Variants in SERINC5 observed in about 807,000 individuals in gnomAD.
The protein encoded by SERINC5 is serine incorporator 5, also known as chromosome 5 open reading frame 12.
In SERINC5, 41 loss-of-function variants were observed where a neutral mutation model predicts 63.1. The observed-to-expected ratio is 0.65, with a 90% CI of 0.51 to 0.84. The LOEUF (loss-of-function observed/expected upper bound fraction) is 0.84, where lower values mean the gene tolerates loss of function less well. SERINC5 is among the 40% of genes least tolerant of loss of function. The pLI is 0.00. For missense variants in SERINC5, 523 were observed against 573.0 expected (o/e 0.91, Z 0.89); for synonymous variants, 222 against 215.2 (o/e 1.03, Z -0.28).
At chr5:80,137,149 AAAAAAAAAAAAAAAC>A (rs1268451253), downstream of SERINC5, among the ~76,000 whole-genome samples, 30 of 126,158 alleles carry the variant, frequency 2.4e-4, no homozygotes, top group African/African-American at 6.8e-4. Context: ...CAAAAAAAAA[AAAAAAAAAAAAAAAC>A]AAAAAAAACA....
downstream of SERINC5, among the ~76,000 whole-genome samples, chr5:80,134,252 G>A (rs914640649): frequency 2.6e-5 from 4 of 152,258 alleles, no homozygotes; most frequent in East Asian, 3.9e-4. Flanking sequence ...TTGGAAGGCC[G>A]AGGCAGGCAG....
chr5:80,219,470 G>A (rs1368612569), intron 1 of SERINC5, among the ~76,000 whole-genome samples: 3 of 152,100 alleles, frequency 2.0e-5, no homozygotes, highest in African/African-American at 2.4e-5. Context: ...TGGAAGGAAC[G>A]AATAGGTGTG....
At chr5:80,127,899 A>G (rs1161124304) in intron 11 of SERINC5, among the ~76,000 whole-genome samples, 1 of 152,160 alleles carries the variant, frequency 6.6e-6, no homozygotes, top group Non-Finnish European at 1.5e-5. Context: ...TATAGGCAAA[A>G]TCTTAATAAA....
At chr5:80,211,790 T>G (rs1750443932) in intron 1 of SERINC5, among the ~76,000 whole-genome samples, 1 of 152,240 alleles carries the variant, frequency 6.6e-6, no homozygotes, top group African/African-American at 2.4e-5. Context: ...CACGGCAGTG[T>G]GATCACTCAT....
chr5:80,249,922 C>A (rs917584311), intron 1 of SERINC5, among the ~76,000 whole-genome samples: 11 of 152,138 alleles, frequency 7.2e-5, no homozygotes, highest in African/African-American at 2.7e-4. Context: ...ACAAATACTT[C>A]CCACATTGTT....
intron 2 of SERINC5, among the ~76,000 whole-genome samples, chr5:80,178,286 C>G (rs938891071): frequency 2.0e-5 from 3 of 152,072 alleles, no homozygotes; most frequent in African/African-American, 7.2e-5. Context: ...TTACTTGCCC[C>G]AAATGACTTC....
rs116181580 is a variant in SERINC5, at chr5:80,218,961, C to T, written c.28-15908G>A. On this transcript the variant is annotated intron_variant, in intron 1 of 11. Coordinates refer to ENST00000507668, the MANE Select transcript of SERINC5 (RefSeq NM_001174072.3). ...GGCTCTGAACAAGGAAAAACTTGCA[C>T]GCTTCACCTACCCTAGATCCCATAA... Among the ~76,000 whole-genome samples the T allele has an allele frequency of 5.9e-3, 902 of 152,272 alleles. 6 individuals carry two copies. The highest frequency in any genetic ancestry group is 0.021 in the African/African-American group (866 of 41,562).
At chr5:80,188,946 T>G (rs770573385) in intron 2 of SERINC5, among the ~76,000 whole-genome samples, 7 of 152,056 alleles carry the variant, frequency 4.6e-5, no homozygotes, top group Non-Finnish European at 7.4e-5. Context: ...AGATAAAAAT[T>G]TAGAATTCTA....
At chr5:80,150,825 C>G in intron 9 of SERINC5, 57 bp downstream of exon 9, 2 of 1,220,300 alleles carry the variant, frequency 1.6e-6, no homozygotes, top group African/African-American at 1.5e-5. Context: ...ACAAAAGGCC[C>G]TCCTGAGAAA....
chr5:80,147,329 T>C (rs529595070), intron 9 of SERINC5, 45 bp from the exon 10 acceptor site: 2 of 1,590,620 alleles, frequency 1.3e-6, no homozygotes, highest in East Asian at 4.5e-5. Flanking sequence ...GTTCTATTTC[T>C]AGTCCACCTC....
At chr5:80,131,754 C>T (rs1461447769) in intron 11 of SERINC5, among the ~76,000 whole-genome samples, 1 of 152,202 alleles carries the variant, frequency 6.6e-6, no homozygotes, top group Non-Finnish European at 1.5e-5. Flanking sequence ...AAATATCTCA[C>T]ACCTCACATA....
intron 1 of SERINC5, among the ~76,000 whole-genome samples, chr5:80,212,089 ACCCTTCATTCAGT>A (rs978538839): frequency 6.6e-6 from 1 of 152,116 alleles, no homozygotes; most frequent in African/African-American, 2.4e-5. Context: ...GTGTGACACC[ACCCTTCATTCAGT>A]CCCTTTTCCT....
rs1435049160 is a variant in SERINC5, at chr5:80,141,021, A to G, written c.*2642T>C. 2 of 985,270 alleles carry G rather than the reference A, an allele frequency of 2.0e-6. No homozygotes were observed. Among genetic ancestry groups the G allele is most frequent in the African/African-American group, 1.7e-5 (1 of 57,250 alleles). 61.0% of individuals were successfully genotyped at this position (985,270 alleles called of 1,614,324 possible). A position where few individuals can be genotyped will look rare whatever the true frequency, so the allele number is the denominator to read the frequency against. On this transcript the variant is annotated 3_prime_UTR_variant, in exon 12 of 12. Transcript: ENST00000507668. ...TGGCACAATGTTTCCAGTTTCTCAAATCACAATTGCACAAAACTGTAGATT... is the reference window on the plus strand; with the variant it reads ...TGGCACAATGTTTCCAGTTTCTCAAGTCACAATTGCACAAAACTGTAGATT...
At chr5:80,113,001 C>A (rs1212255279) in intron 12 of SERINC5, among the ~76,000 whole-genome samples, 2 of 152,120 alleles carry the variant, frequency 1.3e-5, no homozygotes, top group Non-Finnish European at 2.9e-5. Flanking sequence ...GCATAATAGT[C>A]TCCCCTATGG....
chr5:80,229,341 ATTTTTTTT>A (rs59664490), intron 1 of SERINC5, among the ~76,000 whole-genome samples: 4 of 120,226 alleles, frequency 3.3e-5, no homozygotes, highest in African/African-American at 1.3e-4. Context: ...TACTTACACA[ATTTTTTTT>A]TTTTTTTTTT....
At chr5:80,179,685 C>T (rs769352506) in intron 2 of SERINC5, among the ~76,000 whole-genome samples, 7 of 152,128 alleles carry the variant, frequency 4.6e-5, no homozygotes, top group African/African-American at 9.7e-5. Flanking sequence ...ATATTACTGG[C>T]TAAGGTTCCC....
rs532399551 is a variant in SERINC5, at chr5:80,190,256, G to C, written c.196-12192C>G. On this transcript the variant is annotated intron_variant, in intron 2 of 11. Coordinates refer to ENST00000507668, the MANE Select transcript of SERINC5 (RefSeq NM_001174072.3). ...CCTCCTGGAGCAGCTAGGACTACAG[G>C]TGCACACCATGACACCTGACTAATT... Among the ~76,000 whole-genome samples the C allele has an allele frequency of 5.9e-5, 9 of 151,914 alleles. No individual in the cohort carries two copies. The South Asian group carries it at 1.9e-3, about 32-fold the overall frequency.
intron 2 of SERINC5, among the ~76,000 whole-genome samples, chr5:80,183,561 G>T (rs1285222510): frequency 2.0e-5 from 3 of 152,116 alleles, no homozygotes; most frequent in Admixed American, 1.3e-4. Flanking sequence ...AATCACAAAA[G>T]AAGTGAAAAG....
chr5:80,242,095 C>A (rs766578169), intron 1 of SERINC5, among the ~76,000 whole-genome samples: 16 of 152,048 alleles, frequency 1.1e-4, no homozygotes, highest in Non-Finnish European at 2.2e-4. Context: ...CGTATCACTG[C>A]ACTCCAGCCT....
Sources: gnomAD v4.1 joint callset for allele counts (sites outside exome capture counted in the v4.1 genomes callset) on GRCh38, gnomAD v4.1.1 for gene constraint, MANE v1.5 for transcripts, NCBI Gene and HGNC (gene_info 2026-07-23, HGNC 2026-07-21) for gene names.